Variants in WDR11 observed in about 807,000 individuals in gnomAD.
The protein encoded by WDR11 is WD repeat-containing protein 11.
WDR11 carries 83 observed loss-of-function variants against 151.2 expected under a neutral mutation model. The observed-to-expected ratio is 0.55, with a 90% CI of 0.46 to 0.66. The LOEUF is 0.66. Ranked by LOEUF, WDR11 falls within the 30% of genes least tolerant of loss-of-function variation. WDR11 has a pLI of 0.00. For missense variants in WDR11, 1,301 were observed against 1,480.9 expected (o/e 0.88, Z 1.99); for synonymous variants, 484 against 533.1 (o/e 0.91, Z 1.27).
chr10:120,906,329 G>C, intron 27 of WDR11: 1 of 1,282,126 alleles, frequency 7.8e-7, no homozygotes, highest in Non-Finnish European at 9.9e-7. Flanking sequence ...ACTGAGAGGA[G>C]GCCCAGAGAG....
intron 12 of WDR11, chr10:120,879,434 A>G (rs1289856359): frequency 3.9e-5 from 6 of 152,106 alleles, no homozygotes; most frequent in African/African-American, 1.4e-4. Flanking sequence ...TTGCCAGCAG[A>G]ATGGTACTGG....
At chr10:120,871,460 A>G (rs1590073416) in intron 10 of WDR11, 114 bp downstream of exon 10, 1 of 1,081,018 alleles carries the variant, frequency 9.3e-7, no homozygotes, top group East Asian at 2.4e-5. Flanking sequence ...GGAGATAGAG[A>G]CTAAGTGAAA....
intron 8 of WDR11, 149 bp downstream of exon 8, chr10:120,866,913 G>A: frequency 1.8e-6 from 2 of 1,085,744 alleles, no homozygotes; most frequent in Non-Finnish European, 2.7e-6. Flanking sequence ...AGGGAATTAT[G>A]TAAATCTGCT....
intron 11 of WDR11, among the ~76,000 whole-genome samples, chr10:120,876,389 G>A (rs139034162): frequency 2.0e-4 from 31 of 152,286 alleles, no homozygotes; most frequent in African/African-American, 7.2e-4. Flanking sequence ...CCAGGTGACT[G>A]TTTATTGCCA....
chr10:120,909,413 G>A lies in WDR11; in HGVS notation c.*700G>A, dbSNP rs1365406081. 1 of 152,780 alleles carries A rather than the reference G, an allele frequency of 6.5e-6. No homozygotes were observed. Among genetic ancestry groups the A allele is most frequent in the African/African-American group, 2.4e-5 (1 of 41,442 alleles). 9.5% of individuals were successfully genotyped at this position (152,780 alleles called of 1,614,324 possible). On this transcript the variant is annotated 3_prime_UTR_variant, in exon 29 of 29. Coordinates refer to ENST00000263461, the MANE Select transcript of WDR11 (RefSeq NM_018117.12). ...TTGAAGTCTTTCTTTGTACTTTAAT[G>A]TTCTCTCTGTTCTAATAGTTGAAGT... is the stretch of plus-strand genomic sequence containing the variant.
intron 8 of WDR11, 117 bp downstream of exon 8, chr10:120,866,881 A>G: frequency 8.0e-7 from 1 of 1,249,020 alleles, no homozygotes; most frequent in Non-Finnish European, 1.1e-6. Context: ...TTTTAAGGTA[A>G]TAATTAAGGC....
chr10:120,871,192 A>G lies in WDR11; in HGVS notation c.1317A>G (p.Glu439=), dbSNP rs201507421. The change falls in exon 10 of 29, where the codon GAA becomes GAG. Residue 439 remains glutamate (E), a synonymous_variant. Transcript: ENST00000263461. ...NMIGQSAIAG[E]EHPRGSILRE... is the part of the protein sequence containing the mutation. Reference sequence around the variant, plus strand: ...CAGGGCAAAGTGCAATTGCTGGGGAAGAACATCCCAGAGGTTCAATTCTGC... The same window carrying G: ...CAGGGCAAAGTGCAATTGCTGGGGAGGAACATCCCAGAGGTTCAATTCTGC... The G allele has an allele frequency of 2.9e-5, 47 of 1,614,074 alleles. No homozygotes were observed. Among genetic ancestry groups the G allele is most frequent in the Non-Finnish European group, 3.9e-5 (46 of 1,180,036 alleles).
intron 21 of WDR11, among the ~76,000 whole-genome samples, chr10:120,901,439 G>A (rs768081631): frequency 2.6e-5 from 4 of 152,154 alleles, no homozygotes; most frequent in East Asian, 1.9e-4. Context: ...AGCGGGAGAC[G>A]AATCGCAGGG....
At position 120,865,751 on chromosome 10, in the gene WDR11, TTCTG is replaced by T; in HGVS notation, c.994+11_994+14del. 1 of 1,550,426 alleles carries T rather than the reference TTCTG, an allele frequency of 6.4e-7. No homozygotes were observed. The highest frequency in any genetic ancestry group is 8.9e-7 in the Non-Finnish European group (1 of 1,124,460). On this transcript the variant is annotated splice_region_variant and intron_variant, in intron 7 of 28. Transcript: ENST00000263461. Reference sequence around the variant, plus strand: ...ACTTCAAATGAGGAACCAGGTGAGTTTCTGTCTCACAATAATGTTATATTTTTCT... The same window carrying T: ...ACTTCAAATGAGGAACCAGGTGAGTTTCTCACAATAATGTTATATTTTTCT...
chr10:120,853,708 G>C (rs977684414), intron 2 of WDR11, among the ~76,000 whole-genome samples: 13 of 152,160 alleles, frequency 8.5e-5, no homozygotes, highest in African/African-American at 3.1e-4. Flanking sequence ...ATTTTGGTGG[G>C]AAATTCTAAG....
chr10:120,906,664 C>T, intron 27 of WDR11, 112 bp from the exon 28 acceptor site: 2 of 1,590,240 alleles, frequency 1.3e-6, no homozygotes, highest in South Asian at 1.1e-5. Context: ...TATCTTAATG[C>T]AGTATGCAGG....
At chr10:120,866,967 A>T in intron 8 of WDR11, 99 bp from the exon 9 acceptor site, 1 of 1,118,784 alleles carries the variant, frequency 8.9e-7, no homozygotes, top group Non-Finnish European at 1.3e-6. Context: ...TAATATAAAA[A>T]TAGATAGAAT....
intron 13 of WDR11, among the ~76,000 whole-genome samples, chr10:120,881,769 T>C (rs917149276): frequency 1.3e-5 from 2 of 152,176 alleles, no homozygotes; most frequent in Non-Finnish European, 1.5e-5. Context: ...TTGTTAATTC[T>C]TTAGGATTTT....
chr10:120,898,882 C>T (rs529905922), intron 19 of WDR11, among the ~76,000 whole-genome samples: 24 of 152,270 alleles, frequency 1.6e-4, no homozygotes, highest in African/African-American at 5.5e-4. Context: ...CAGACAAATA[C>T]AGTCACTTAA....
At chr10:120,896,659 G>A (rs1214529300) in intron 19 of WDR11, among the ~76,000 whole-genome samples, 1 of 152,184 alleles carries the variant, frequency 6.6e-6, no homozygotes, top group Non-Finnish European at 1.5e-5. Context: ...AGTTGATGGT[G>A]ACACTAGTAA....
At chr10:120,852,684 T>G in intron 2 of WDR11, 49 bp downstream of exon 2, 1 of 1,439,940 alleles carries the variant, frequency 6.9e-7, no homozygotes, top group South Asian at 1.2e-5. Context: ...GTCTAAAGTT[T>G]AATACTGTGT....
Position 120,870,558 on chromosome 10 carries a change from C to T in WDR11, c.1295-612C>T, listed in dbSNP as rs533206757. ...TATGTGAAAATAATGCCATTGAAGT[C>T]TTAACTATTGACAGTGATGGTGTAT... On this transcript the variant is annotated intron_variant, in intron 9 of 28. Coordinates refer to ENST00000263461, the MANE Select transcript of WDR11 (RefSeq NM_018117.12). Among the ~76,000 whole-genome samples, 6 of 152,182 alleles carry T rather than the reference C, an allele frequency of 3.9e-5. No homozygotes were observed. The South Asian group carries it at 1.2e-3, about 32-fold the overall frequency.
intron 14 of WDR11, chr10:120,885,274 T>TAC (rs1456456025): frequency 0.013 from 1,076 of 85,432 alleles, 8 homozygotes; most frequent in African/African-American, 0.025. Flanking sequence ...GGATGAAGTA[T>TAC]ATATATATAT....
At chr10:120,877,759 T>G (rs890711768) in intron 11 of WDR11, among the ~76,000 whole-genome samples, 1 of 152,240 alleles carries the variant, frequency 6.6e-6, no homozygotes, top group Non-Finnish European at 1.5e-5. Flanking sequence ...TACCTTTTAT[T>G]AAGTGTGTTT....
Sources: gnomAD v4.1 joint callset for allele counts (sites outside exome capture counted in the v4.1 genomes callset) on GRCh38, gnomAD v4.1.1 for gene constraint, MANE v1.5 for transcripts, NCBI Gene and HGNC (gene_info 2026-07-23, HGNC 2026-07-21) for gene names.